The following RALGAPA1 variants were observed in gnomAD, a reference collection of about 807,000 sequenced individuals.
RALGAPA1 encodes ral GTPase-activating protein subunit alpha-1.
Under a neutral mutation model 269.6 loss-of-function variants are expected in RALGAPA1, and 52 were observed. That is an observed-to-expected ratio of 0.19 (90% CI 0.15 to 0.24). RALGAPA1 has a LOEUF of 0.24. RALGAPA1 is among the 10% of genes least tolerant of loss of function. RALGAPA1 has a pLI of 1.00. For synonymous variants in RALGAPA1, 817 were observed against 1,008.3 expected, an observed-to-expected ratio of 0.81 and a Z score of 3.60; for missense variants, 1,917 against 3,013.9, an observed-to-expected ratio of 0.64 and a Z score of 8.52.
At chr14:35,613,084 ATTC>A (rs1294251186) in intron 35 of RALGAPA1, among the ~76,000 whole-genome samples, 3 of 151,376 alleles carry the variant, frequency 2.0e-5, no homozygotes, top group African/African-American at 7.3e-5. Flanking sequence ...TTTGTATTTT[ATTC>A]TTTTTTTTTT....
At chr14:35,575,301 C>T (rs1035228067) in intron 37 of RALGAPA1, among the ~76,000 whole-genome samples, 2 of 152,172 alleles carry the variant, frequency 1.3e-5, no homozygotes, top group Non-Finnish European at 1.5e-5. Context: ...CCAAACTACT[C>T]TTCTAAATTT....
At chr14:35,693,116 T>C (rs946832872) in intron 17 of RALGAPA1, among the ~76,000 whole-genome samples, 1 of 151,958 alleles carries the variant, frequency 6.6e-6, no homozygotes, top group African/African-American at 2.4e-5. Flanking sequence ...ATACATCATA[T>C]ATGTTTTGTA....
At chr14:35,664,163 T>G (rs1405674304) in intron 27 of RALGAPA1, among the ~76,000 whole-genome samples, 1 of 152,168 alleles carries the variant, frequency 6.6e-6, no homozygotes, top group Non-Finnish European at 1.5e-5. Flanking sequence ...TTTTGCACCA[T>G]CTACTGTTCA....
chr14:35,616,444 T>G (rs963187789), intron 35 of RALGAPA1, among the ~76,000 whole-genome samples: 4 of 152,106 alleles, frequency 2.6e-5, no homozygotes, highest in Admixed American at 6.5e-5. Context: ...TATTAGATAT[T>G]TAATATAGGG....
At chr14:35,731,311 A>C (rs927903392) in intron 12 of RALGAPA1, among the ~76,000 whole-genome samples, 8 of 152,208 alleles carry the variant, frequency 5.3e-5, no homozygotes, top group Admixed American at 2.0e-4. Context: ...CTCTGGTAAT[A>C]TGACAAAACA....
intron 16 of RALGAPA1, among the ~76,000 whole-genome samples, chr14:35,710,781 A>G (rs961572495): frequency 1.3e-5 from 2 of 152,120 alleles, no homozygotes; most frequent in Admixed American, 6.5e-5. Flanking sequence ...TTACTGTACC[A>G]TTTCTATGTT....
chr14:35,725,052 G>T lies in RALGAPA1; in HGVS notation c.1838C>A (p.Ala613Glu). Residue 613 changes from alanine (A) to glutamate (E), a missense_variant, in exon 14 of 42, where the codon GCA becomes GAA. Ala to Glu is a moderately radical substitution (Grantham distance 107, BLOSUM62 -1). Transcript: ENST00000680220. The part of the protein sequence containing the change: ...QFQGKKNMTL[A>E]GRLAGPLFQT... ...GAAAAGTGGTCCTGCAAGTCGACCT[G>T]CCAAGGTCATATTTTTTTTCCCTTG... is the stretch of plus-strand genomic sequence containing the variant. 1 of 1,602,514 alleles carries T rather than the reference G, an allele frequency of 6.2e-7. No homozygotes were observed. Among genetic ancestry groups the T allele is most frequent in the Non-Finnish European group, 8.5e-7 (1 of 1,174,562 alleles).
At chr14:35,587,999 T>G (rs1367743992) in intron 37 of RALGAPA1, among the ~76,000 whole-genome samples, 1 of 152,182 alleles carries the variant, frequency 6.6e-6, no homozygotes, top group Admixed American at 6.5e-5. Context: ...CTCCGCCTCC[T>G]GGGTTCAAGC....
intron 35 of RALGAPA1, among the ~76,000 whole-genome samples, chr14:35,614,480 T>C (rs2060131707): frequency 6.6e-6 from 1 of 152,156 alleles, no homozygotes; most frequent in Admixed American, 6.5e-5. Flanking sequence ...ACATATTATT[T>C]GATTCCATTT....
rs2064422524 is a variant in RALGAPA1 at position 35,671,426 on chromosome 14, A to G, written c.5165T>C (p.Val1722Ala). 2 of 1,612,144 alleles carry G rather than the reference A, an allele frequency of 1.2e-6. No individual in the cohort carries two copies. Among genetic ancestry groups the G allele is most frequent in the Non-Finnish European group, 1.7e-6 (2 of 1,179,158 alleles). ...GATMLIMDFI[V>A]AAGRVASSAF... ...TGAAGAAGCCACTCTACCAGCTGCT[A>G]CAATAAAATCCATAATAAGCATTGT... The change falls in exon 26 of 42, where the codon GTA becomes GCA. Residue 1722 changes from valine (V) to alanine (A), a missense_variant. By Grantham distance (64) the Val-to-Ala change is moderately conservative (BLOSUM62 0). Coordinates refer to ENST00000680220, the MANE Select transcript of RALGAPA1 (RefSeq NM_001346249.2).
rs181970463 is a variant in RALGAPA1 at position 35,763,592 on chromosome 14, T to C, written c.326-839A>G. Among the ~76,000 whole-genome samples the C allele has an allele frequency of 2.3e-3, 348 of 152,272 alleles. 1 individual carries two copies. The highest frequency in any genetic ancestry group is 3.1e-3 in the Non-Finnish European group (209 of 68,004). Reference sequence around the variant, plus strand: ...TAAGAAATTTATCTATACTTATCTATGTAGCTCTAGTTAATACATTTTAAG... The same window carrying C: ...TAAGAAATTTATCTATACTTATCTACGTAGCTCTAGTTAATACATTTTAAG... On this transcript the variant is annotated intron_variant, in intron 4 of 41. Transcript: ENST00000680220.
chr14:35,790,684 T>TAAA (rs75409188), intron 1 of RALGAPA1, among the ~76,000 whole-genome samples: 2 of 92,398 alleles, frequency 2.2e-5, no homozygotes, highest in Non-Finnish European at 2.4e-5. Flanking sequence ...AGAGACTGTC[T>TAAA]AAAAAAAAAA....
intron 16 of RALGAPA1, 64 bp downstream of exon 16, chr14:35,721,624 A>G (rs1251693622): frequency 6.6e-6 from 9 of 1,374,014 alleles, no homozygotes; most frequent in African/African-American, 1.5e-5. Flanking sequence ...ATTGATATAA[A>G]TTGTTACCAA....
chr14:35,771,091 A>G (rs1261955014), intron 3 of RALGAPA1, 92 bp from the exon 4 acceptor site: 6 of 520,950 alleles, frequency 1.2e-5, no homozygotes, highest in Non-Finnish European at 2.1e-5. Context: ...AGGGCTCACT[A>G]AGTATAACAA....
intron 39 of RALGAPA1, among the ~76,000 whole-genome samples, chr14:35,556,413 A>G (rs1362267327): frequency 6.6e-6 from 1 of 152,224 alleles, no homozygotes; most frequent in Non-Finnish European, 1.5e-5. Context: ...TTTCTTTCCT[A>G]CTGTAACTAA....
At chr14:35,784,898 A>G (rs1348092518) in intron 1 of RALGAPA1, among the ~76,000 whole-genome samples, 1 of 152,154 alleles carries the variant, frequency 6.6e-6, no homozygotes, top group African/African-American at 2.4e-5. Flanking sequence ...ATACAGTACT[A>G]CTGGTCATGC....
Position 35,775,113 on chromosome 14 carries a change from T to C in RALGAPA1, c.218-58A>G, listed in dbSNP as rs534441871. ...ATATCATTTTGTCCTCATAATGAAC[T>C]TAAAATATTTCAAGAATGAAGGTTT... On this transcript the variant is annotated intron_variant, in intron 2 of 41. Transcript: ENST00000680220. The C allele has an allele frequency of 5.6e-4, 547 of 977,600 alleles. 2 individuals are homozygous for C. The African/African-American group carries it at 8.0e-3, about 14-fold the overall frequency. 60.6% of individuals were successfully genotyped at this position (977,600 alleles called of 1,614,324 possible). A position where few individuals can be genotyped will look rare whatever the true frequency, so the allele number is the denominator to read the frequency against.
intron 17 of RALGAPA1, among the ~76,000 whole-genome samples, chr14:35,698,696 T>C (rs2067097669): frequency 6.6e-6 from 1 of 152,204 alleles, no homozygotes; most frequent in Middle Eastern, 3.4e-3. Context: ...GAGCAAAAAA[T>C]GTATCCAAGA....
chr14:35,702,305 A>G (rs1034376164), intron 16 of RALGAPA1, among the ~76,000 whole-genome samples: 10 of 152,358 alleles, frequency 6.6e-5, no homozygotes, highest in Middle Eastern at 3.4e-3. Context: ...ATAACTGGAA[A>G]AAGATAATCA....
Sources: allele counts gnomAD v4.1 joint callset (sites outside exome capture counted in the v4.1 genomes callset), GRCh38; gene constraint gnomAD v4.1.1; transcripts MANE v1.5; gene names NCBI Gene and HGNC (gene_info 2026-07-23, HGNC 2026-07-21).